Variants in SMARCA4 observed in about 807,000 individuals in gnomAD.
SMARCA4 encodes SWI/SNF related BAF chromatin remodeling complex subunit ATPase 4, also known as SWI/SNF-related matrix-associated actin-dependent regulator of chromatin subfamily A member 4.
In SMARCA4, 31 loss-of-function variants were observed where a neutral mutation model predicts 193.9. The ratio of observed to expected loss-of-function variants is 0.16; its 90% CI spans 0.12 to 0.22. The LOEUF is 0.22. Among genes scored for constraint, SMARCA4 ranks in the 10% least tolerant of loss-of-function variants. The probability of loss-of-function intolerance (pLI) is 1.00; values close to 1 mark genes in which losing one functional copy is unlikely to be tolerated. For synonymous variants in SMARCA4, 942 were observed against 933.1 expected (o/e 1.01, Z -0.17); for missense variants, 1,148 against 2,296.0 (o/e 0.50, Z 10.22).
rs1252468679 is a variant in SMARCA4 at position 11,034,946 on chromosome 19, C to G, written c.3984C>G (p.Ala1328=). ...ACCTGGACCGCAGGCGCGAGGAGGCCCGCAACCCCAAGCGGAAGCCGCGCC... is the reference window on the plus strand; with the variant it reads ...ACCTGGACCGCAGGCGCGAGGAGGCGCGCAACCCCAAGCGGAAGCCGCGCC... ...RMDLDRRREE[A]RNPKRKPRLM... is the part of the protein sequence containing the mutation. The change falls in exon 29 of 35, where the codon GCC becomes GCG. Residue 1328 remains alanine, a synonymous_variant. Transcript: ENST00000344626. The surrounding 1 kb of genome is among the most constrained non-coding windows in gnomAD (Gnocchi z 7.0). 1 of 1,587,508 alleles carries G rather than the reference C, an allele frequency of 6.3e-7. No homozygotes were observed. The highest frequency in any genetic ancestry group is 1.8e-5 in the Admixed American group (1 of 55,788).
intron 13 of SMARCA4, among the ~76,000 whole-genome samples, chr19:11,003,675 C>T (rs1479848350): frequency 2.0e-5 from 3 of 151,934 alleles, no homozygotes; most frequent in Non-Finnish European, 2.9e-5. Context: ...AGGTGCTTGG[C>T]ATCCCTTATC....
At chr19:10,976,301 A>G (rs2085120315) in intron 1 of SMARCA4, among the ~76,000 whole-genome samples, 1 of 152,012 alleles carries the variant, frequency 6.6e-6, no homozygotes, top group Non-Finnish European at 1.5e-5. Context: ...TCGCCGGAGC[A>G]AGGTGCACCC....
intron 13 of SMARCA4, 126 bp from the exon 14 acceptor site, chr19:11,007,776 C>T: frequency 1.1e-6 from 1 of 874,992 alleles, no homozygotes. Context: ...GCACACATTC[C>T]AGGATAGGTA....
At position 11,019,638 on chromosome 19, in the gene SMARCA4, G is replaced by A. The variant is rs1167535267; in HGVS notation, c.2553G>A (p.Gly851=). Residue 851 remains glycine (G), a synonymous_variant, in exon 18 of 35, where the codon GGG becomes GGA. Transcript: ENST00000344626. The surrounding 1 kb of genome is among the most constrained non-coding windows in gnomAD (Gnocchi z 6.1). ...RRAFVPQLRS[G]KFNVLLTTYE... ...CCTTTGTCCCCCAGCTCCGGAGTGGGAAGTTCAACGTCTTGCTGACGACGT... is the reference window on the plus strand; with the variant it reads ...CCTTTGTCCCCCAGCTCCGGAGTGGAAAGTTCAACGTCTTGCTGACGACGT... 1 of 1,613,512 alleles carries A rather than the reference G, an allele frequency of 6.2e-7. No homozygotes were observed. The highest frequency in any genetic ancestry group is 1.3e-5 in the African/African-American group (1 of 74,936).
intron 30 of SMARCA4, among the ~76,000 whole-genome samples, chr19:11,051,120 G>C (rs1341153529): frequency 6.6e-6 from 1 of 152,264 alleles, no homozygotes; most frequent in African/African-American, 2.4e-5. Flanking sequence ...GCCGTGCTGG[G>C]GTTCTGCGCC....
At chr19:10,993,048 C>T (rs1344890125) in intron 8 of SMARCA4, among the ~76,000 whole-genome samples, 1 of 146,062 alleles carries the variant, frequency 6.8e-6, no homozygotes, top group Non-Finnish European at 1.5e-5. Flanking sequence ...TGCAGTGGCA[C>T]GATCTCCACT....
At chr19:11,045,913 C>T (rs2075878327) in intron 30 of SMARCA4, among the ~76,000 whole-genome samples, 1 of 151,324 alleles carries the variant, frequency 6.6e-6, no homozygotes. Context: ...GAGACTCTGT[C>T]TCTATTTAAA....
Position 10,990,441 on chromosome 19 carries a change from C to G in SMARCA4, c.1246-709C>G, listed in dbSNP as rs535123253. Among the ~76,000 whole-genome samples, 267 of 152,188 alleles carry G rather than the reference C, an allele frequency of 1.8e-3. 1 individual carries two copies. The highest frequency in any genetic ancestry group is 6.3e-3 in the African/African-American group (262 of 41,518). On this transcript the variant is annotated intron_variant, in intron 7 of 34. Coordinates refer to ENST00000344626, the MANE Select transcript of SMARCA4 (RefSeq NM_003072.5). Reference sequence around the variant, plus strand: ...TTACAGGCATGTGCCCCACGCCTGGCTAATTTTTGTATTTTTAGTAGAGAC... The same window carrying G: ...TTACAGGCATGTGCCCCACGCCTGGGTAATTTTTGTATTTTTAGTAGAGAC...
At position 11,034,798 on chromosome 19, in the gene SMARCA4, G is replaced by A; in HGVS notation, c.3952-116G>A. 2 of 745,190 alleles carry A rather than the reference G, an allele frequency of 2.7e-6. No individual in the cohort carries two copies. Among genetic ancestry groups the A allele is most frequent in the Non-Finnish European group, 4.7e-6 (2 of 426,808 alleles). The allele number at this position is 745,190 out of a possible 1,614,324, so 46.2% of individuals were successfully genotyped here. On this transcript the variant is annotated intron_variant, in intron 28 of 34. Transcript: ENST00000344626. The surrounding 1 kb of genome is among the most constrained non-coding windows in gnomAD (Gnocchi z 7.0). Reference sequence around the variant, plus strand: ...CGAGAGCTACTGTTTAACTCTCGCAGCAGCGTGGAGCCCCACGGGCAGAGA... The same window carrying A: ...CGAGAGCTACTGTTTAACTCTCGCAACAGCGTGGAGCCCCACGGGCAGAGA...
chr19:11,061,733 G>C (rs556572820), intron 34 of SMARCA4, 51 bp from the exon 35 acceptor site: 1 of 1,577,452 alleles, frequency 6.3e-7, no homozygotes, highest in South Asian at 1.1e-5. Flanking sequence ...CTGGCAAGGT[G>C]CCCTGGCAGG....
At position 11,051,322 on chromosome 19, in the gene SMARCA4, G is replaced by A. The variant is rs74522056; in HGVS notation, c.4425-6933G>A. On this transcript the variant is annotated intron_variant, in intron 30 of 34. Coordinates refer to ENST00000344626, the MANE Select transcript of SMARCA4 (RefSeq NM_003072.5). ...TAGGACAGGACAATTAGAGACAGAG[G>A]TGCAGGTGTGTGGAGTTGGCAGCAG... Among the ~76,000 whole-genome samples the A allele has an allele frequency of 2.1e-3, 318 of 152,240 alleles. 3 individuals are homozygous for A. The highest frequency in any genetic ancestry group is 7.5e-3 in the African/African-American group (310 of 41,542).
intron 13 of SMARCA4, among the ~76,000 whole-genome samples, chr19:11,004,553 G>A (rs2087996981): frequency 6.6e-6 from 1 of 152,152 alleles, no homozygotes. Context: ...GTCAAAGTCT[G>A]TTCTGTGTTA....
chr19:11,005,560 T>C (rs1038978964), intron 13 of SMARCA4, among the ~76,000 whole-genome samples: 1 of 152,358 alleles, frequency 6.6e-6, no homozygotes, highest in African/African-American at 2.4e-5. Flanking sequence ...TCTCTTTGCA[T>C]ATGCACAGAC....
chr19:11,010,837 A>T, intron 15 of SMARCA4: 1 of 429,740 alleles, frequency 2.3e-6, no homozygotes, highest in South Asian at 2.0e-5. Flanking sequence ...CCTGAGGAGC[A>T]GAGAGGTGCA....
Position 11,003,392 on chromosome 19 carries a change from G to A in SMARCA4, c.1996G>A (p.Glu666Lys), listed in dbSNP as rs2146109671. ...TGAAGAAAGTGGCTCAGAAGAAGAG[G>A]AAGAGGTAAGAGTGCATTTCCTGGC... ...DSEESGSEEE[E>K]EEEEEEQPQA... Residue 666 changes from glutamate to lysine, a missense_variant, in exon 13 of 35, where the codon GAA (glutamate) becomes AAA (lysine). Coordinates refer to ENST00000344626, the MANE Select transcript of SMARCA4 (RefSeq NM_003072.5). 6.2e-7 allele frequency: 1 copy of A among 1,613,844 alleles called. No individual in the cohort carries two copies.
chr19:10,971,445 C>T (rs1247824774), intron 1 of SMARCA4, among the ~76,000 whole-genome samples: 1 of 151,614 alleles, frequency 6.6e-6, no homozygotes, highest in Non-Finnish European at 1.5e-5. Context: ...GCGAACCCTG[C>T]TTGATTAGAT....
rs1821308130 is a variant in SMARCA4, at chr19:11,031,219, C to T, written c.3546+326C>T. The stretch of plus-strand genomic sequence containing the variant: ...ATCAATCTGCGCCGTCACTGTGGGG[C>T]GGCCCCTGCAGTGTGCCCTGTGAGC... On this transcript the variant is annotated intron_variant, in intron 25 of 34. Coordinates refer to ENST00000344626, the MANE Select transcript of SMARCA4 (RefSeq NM_003072.5). The surrounding 1 kb of genome is among the most constrained non-coding windows in gnomAD (Gnocchi z 4.3). 4 of 390,640 alleles carry T rather than the reference C, an allele frequency of 1.0e-5. No individual in the cohort carries two copies. Among genetic ancestry groups the T allele is most frequent in the South Asian group, 4.3e-5 (2 of 46,172 alleles). The allele number at this position is 390,640 out of a possible 1,614,324, so 24.2% of individuals were successfully genotyped here.
Position 10,987,067 on chromosome 19 carries a change from T to C in SMARCA4, c.859+64T>C. 1 of 1,202,058 alleles carries C rather than the reference T, an allele frequency of 8.3e-7. No individual in the cohort carries two copies. Among genetic ancestry groups the C allele is most frequent in the Non-Finnish European group, 1.2e-6 (1 of 824,030 alleles). The allele number at this position is 1,202,058 out of a possible 1,614,324, so 74.5% of individuals were successfully genotyped here. On this transcript the variant is annotated intron_variant, in intron 5 of 34. Transcript: ENST00000344626. This position sits in a 1 kb window ranked among gnomAD's most constrained non-coding sequence, Gnocchi z 5.3. ...ACTCCCCATCTCAAGCTTGGGTCCT[T>C]GAGATGAGCTTTGTCAGGGAGAAAG...
At chr19:11,027,719 T>G in intron 23 of SMARCA4, 65 bp from the exon 24 acceptor site, 1 of 1,588,796 alleles carries the variant, frequency 6.3e-7, no homozygotes, top group Non-Finnish European at 8.6e-7. Flanking sequence ...CCTCCTGCCT[T>G]ACCTGCCTGC....
Sources: gnomAD v4.1 joint callset for allele counts (sites outside exome capture counted in the v4.1 genomes callset) on GRCh38, gnomAD v4.1.1 for gene constraint, Gnocchi (gnomAD v3.1) non-coding constraint, MANE v1.5 for transcripts, NCBI Gene and HGNC (gene_info 2026-07-23, HGNC 2026-07-21) for gene names.